The following RECQL5 variants were observed in gnomAD, a reference collection of about 807,000 sequenced individuals.
RECQL5 encodes the protein RecQ like helicase 5, also known as ATP-dependent DNA helicase Q5.
In RECQL5, 88 loss-of-function variants were observed where a neutral mutation model predicts 103.4. The ratio of observed to expected loss-of-function variants is 0.85; its 90% CI spans 0.72 to 1.02. The LOEUF is 1.02. RECQL5 is among the 50% of genes least tolerant of loss of function. The probability of loss-of-function intolerance (pLI) is 0.00; values close to 1 mark genes in which losing one functional copy is unlikely to be tolerated. For missense variants in RECQL5, 1,232 were observed against 1,284.3 expected, an observed-to-expected ratio of 0.96 and a Z score of 0.62; for synonymous variants, 552 against 507.9, an observed-to-expected ratio of 1.09 and a Z score of -1.17.
chr17:75,658,854 G>C (rs1378328050), intron 6 of RECQL5, among the ~76,000 whole-genome samples: 2 of 152,148 alleles, frequency 1.3e-5, no homozygotes, highest in Non-Finnish European at 2.9e-5. Flanking sequence ...CTATGTGCCA[G>C]TTTATATATG....
At chr17:75,633,165 C>T (rs184853888) in intron 8 of RECQL5, among the ~76,000 whole-genome samples, 2 of 152,380 alleles carry the variant, frequency 1.3e-5, no homozygotes, top group Admixed American at 6.5e-5. Flanking sequence ...GGAGTCCGTG[C>T]GCCCGCACAG....
At chr17:75,647,640 C>T (rs1329811637) in intron 8 of RECQL5, 12 of 1,438,294 alleles carry the variant, frequency 8.3e-6, no homozygotes, top group Non-Finnish European at 1.0e-5. Context: ...TGGGCCCCTT[C>T]GCGGTTCCCT....
At chr17:75,660,427 G>A (rs540525055) in intron 6 of RECQL5, among the ~76,000 whole-genome samples, 11 of 152,280 alleles carry the variant, frequency 7.2e-5, no homozygotes, top group African/African-American at 2.2e-4. Context: ...CAAACATTAC[G>A]GTGGATAGTC....
intron 3 of RECQL5, among the ~76,000 whole-genome samples, chr17:75,663,955 G>A (rs2059732584): frequency 6.6e-6 from 1 of 150,934 alleles, no homozygotes; most frequent in South Asian, 2.1e-4. Context: ...TCGGGGGACT[G>A]AGGCAGGAGA....
intron 13 of RECQL5, 119 bp downstream of exon 13, chr17:75,630,500 G>T: frequency 9.0e-7 from 1 of 1,116,502 alleles, no homozygotes; most frequent in African/African-American, 1.5e-5. Context: ...GTCCCCTGGA[G>T]TAGGAGAGGT....
At chr17:75,653,191 GC>G (rs1377859316) in intron 7 of RECQL5, among the ~76,000 whole-genome samples, 2 of 152,224 alleles carry the variant, frequency 1.3e-5, no homozygotes, top group Non-Finnish European at 2.9e-5. Flanking sequence ...CCACAGCTGA[GC>G]AACAACAGCT....
Position 75,640,451 on chromosome 17 carries a change from T to C in RECQL5, c.1230-8783A>G. 2 of 1,406,980 alleles carry C rather than the reference T, an allele frequency of 1.4e-6. No individual in the cohort carries two copies. Among genetic ancestry groups the C allele is most frequent in the Non-Finnish European group, 1.9e-6 (2 of 1,066,226 alleles). 87.2% of individuals were successfully genotyped at this position (1,406,980 alleles called of 1,614,324 possible). A position where few individuals can be genotyped will look rare whatever the true frequency, so the allele number is the denominator to read the frequency against. ...TGCCGGATCAAGGAGGAAAACCAGT[T>C]GTCCCTTGGGGGAAGCCAAGGGACT... On this transcript the variant is annotated intron_variant, in intron 8 of 19. Coordinates refer to ENST00000317905, the MANE Select transcript of RECQL5 (RefSeq NM_004259.7). This position sits in a 1 kb window ranked among gnomAD's most constrained non-coding sequence, Gnocchi z 4.6.
chr17:75,663,072 C>T, intron 3 of RECQL5, 75 bp from the exon 4 acceptor site: 3 of 1,447,496 alleles, frequency 2.1e-6, no homozygotes, highest in African/African-American at 1.4e-5. Flanking sequence ...TGGAGGATTT[C>T]CCAGTCATAA....
intron 18 of RECQL5, 144 bp downstream of exon 18, chr17:75,628,074 C>A: frequency 2.8e-6 from 2 of 721,458 alleles, no homozygotes; most frequent in African/African-American, 1.7e-5. Flanking sequence ...CATGACCCAA[C>A]GGCAAGGCAG....
At chr17:75,639,399 TG>T (rs1378577857) in intron 8 of RECQL5, 1 of 152,278 alleles carries the variant, frequency 6.6e-6, no homozygotes, top group East Asian at 1.9e-4. Context: ...GAAAGCCTTC[TG>T]GAGTGGCACC....
At position 75,657,590 on chromosome 17, in the gene RECQL5, A is replaced by G. The variant is rs534627582; in HGVS notation, c.1149+708T>C. On this transcript the variant is annotated intron_variant, in intron 7 of 19. Coordinates refer to ENST00000317905, the MANE Select transcript of RECQL5 (RefSeq NM_004259.7). ...CATAGTGAAACCCCATCTCTGCCAA[A>G]AACTGAAAAAAAAATTAGCTGGGCG... Among the ~76,000 whole-genome samples, 3 of 152,066 alleles carry G rather than the reference A, an allele frequency of 2.0e-5. No individual in the cohort carries two copies. In the South Asian group the frequency reaches 6.2e-4, roughly 32 times the overall value.
Position 75,665,187 on chromosome 17 carries a change from GACA to G in RECQL5, c.131-18_131-16del, listed in dbSNP as rs749603381. On this transcript the variant is annotated splice_polypyrimidine_tract_variant and intron_variant, in intron 2 of 19. Coordinates refer to ENST00000317905, the MANE Select transcript of RECQL5 (RefSeq NM_004259.7). Reference sequence around the variant, plus strand: ...GTCCTTGTTACCTGAAAAAATACAAGACAACAATATCTCAGTGCTTCCTGCCTT... The same window carrying G: ...GTCCTTGTTACCTGAAAAAATACAAGACAATATCTCAGTGCTTCCTGCCTT... The G allele has an allele frequency of 8.1e-6, 13 of 1,603,818 alleles. No homozygotes were observed. Among genetic ancestry groups the G allele is most frequent in the Non-Finnish European group, 1.1e-5 (13 of 1,176,492 alleles).
intron 7 of RECQL5, among the ~76,000 whole-genome samples, chr17:75,655,831 C>T (rs1043040804): frequency 5.9e-5 from 9 of 152,194 alleles, no homozygotes; most frequent in African/African-American, 2.2e-4. Context: ...AGGTGTGTGC[C>T]ACCATGCTTG....
At chr17:75,658,673 G>A (rs1339425040) in intron 6 of RECQL5, among the ~76,000 whole-genome samples, 3 of 152,072 alleles carry the variant, frequency 2.0e-5, no homozygotes, top group Non-Finnish European at 4.4e-5. Context: ...GTTAAGGGGG[G>A]GCAAATCCAG....
chr17:75,630,981 T>C lies in RECQL5; in HGVS notation c.1578A>G (p.Val526=), dbSNP rs753549431. The C allele has an allele frequency of 6.2e-7, 1 of 1,613,434 alleles. No individual in the cohort carries two copies. The highest frequency in any genetic ancestry group is 8.5e-7 in the Non-Finnish European group (1 of 1,179,844). The stretch of plus-strand genomic sequence containing the variant: ...GAACATTTCTGTACTGACCTGGGGG[T>C]ACAAATTCTTCTATCTTGGGGTCTT... ...KGKDPKIEEF[V]PPDENCPLKE... Residue 526 remains valine, a synonymous_variant, in exon 11 of 20, where the codon GTA becomes GTG. Coordinates refer to ENST00000317905, the MANE Select transcript of RECQL5 (RefSeq NM_004259.7).
Position 75,662,591 on chromosome 17 carries a change from C to G in RECQL5, c.659G>C (p.Cys220Ser), listed in dbSNP as rs758558276. Reference protein sequence around the residue: ...KKPVAIFKTPCFRANLFYDVQ... With the variant: ...KKPVAIFKTPSFRANLFYDVQ... ...ATCATAGAAGAGGTTGGCCCGGAAG[C>G]AGGGAGTCTTGAAGATGGCAACTGG... Residue 220 changes from cysteine (C) to serine (S), a missense_variant, in exon 4 of 20, where the codon TGC becomes TCC. Coordinates refer to ENST00000317905, the MANE Select transcript of RECQL5 (RefSeq NM_004259.7). 1.9e-6 allele frequency: 3 copies of G among 1,614,146 alleles called. No individual in the cohort carries two copies. Among genetic ancestry groups the G allele is most frequent in the Non-Finnish European group, 2.5e-6 (3 of 1,180,028 alleles).
Position 75,640,401 on chromosome 17 carries a change from AG to A in RECQL5, c.1230-8734del. 6.9e-7 allele frequency: 1 copy of A among 1,455,642 alleles called. No homozygotes were observed. Among genetic ancestry groups the A allele is most frequent in the Non-Finnish European group, 9.1e-7 (1 of 1,099,682 alleles). The allele number at this position is 1,455,642 out of a possible 1,614,324, so 90.2% of individuals were successfully genotyped here. On this transcript the variant is annotated intron_variant, in intron 8 of 19. Transcript: ENST00000317905. This position sits in a 1 kb window ranked among gnomAD's most constrained non-coding sequence, Gnocchi z 4.6. ...GAGACCACACCATGGTGCCAGCCAG[AG>A]GGCTGGCAGAGGTGGCGGGTGTCTG... is the stretch of plus-strand genomic sequence containing the variant.
In RECQL5 at chr17:75,629,731, G is replaced by C. The variant is rs1162774995; in HGVS notation, c.1924C>G (p.Pro642Ala). The change falls in exon 15 of 20, where the codon CCA becomes GCA. Residue 642 changes from proline (P) to alanine (A), a missense_variant. By Grantham distance (27) the Pro-to-Ala change is conservative. Coordinates refer to ENST00000317905, the MANE Select transcript of RECQL5 (RefSeq NM_004259.7). ...EPPEPNEYDI[P>A]PASHVYSLKP... ...ACCGAGTACACATGGGAGGCTGGTG[G>C]AATGTCATACTCATTGGGCTCCGGG... is the stretch of plus-strand genomic sequence containing the variant. The C allele has an allele frequency of 6.2e-7, 1 of 1,612,344 alleles. No individual in the cohort carries two copies. The highest frequency in any genetic ancestry group is 1.3e-5 in the African/African-American group (1 of 74,882).
rs1474172874 is a variant in RECQL5 at position 75,631,190 on chromosome 17, T to C, written c.1508A>G (p.Glu503Gly). The C allele has an allele frequency of 6.2e-7, 1 of 1,613,918 alleles. No individual in the cohort carries two copies. Among genetic ancestry groups the C allele is most frequent in the Admixed American group, 1.7e-5 (1 of 60,024 alleles). The change falls in exon 10 of 20, where the codon GAG becomes GGG. Residue 503 changes from glutamate (E) to glycine (G), a missense_variant. By Grantham distance (98) the Glu-to-Gly change is moderately conservative. Transcript: ENST00000317905. ...CTGCTTCTGATAGAAGAGGTTCCAC[T>C]CCCGCTTGTGGGCCTCATCTCTGCC... ...DEGRDEAHKR[E>G]WNLFYQKQMQ...
Sources: allele counts gnomAD v4.1 joint callset (sites outside exome capture counted in the v4.1 genomes callset), GRCh38; gene constraint gnomAD v4.1.1; non-coding constraint Gnocchi (gnomAD v3.1); transcripts MANE v1.5; gene names NCBI Gene and HGNC (gene_info 2026-07-23, HGNC 2026-07-21).